MED13L: variants seen among roughly 807,000 people sequenced by gnomAD.
MED13L encodes mediator of RNA polymerase II transcription subunit 13-like.
Under a neutral mutation model 220.9 loss-of-function variants are expected in MED13L, and 7 were observed. The ratio of observed to expected loss-of-function variants is 0.03; its 90% CI spans 0.02 to 0.06. The LOEUF is 0.06. Among genes scored for constraint, MED13L ranks in the 10% least tolerant of loss-of-function variants. The pLI is 1.00. For synonymous variants in MED13L, 1,011 were observed against 1,015.2 expected (o/e 1.00, Z 0.08); for missense variants, 1,965 against 2,760.5 (o/e 0.71, Z 6.46).
intron 1 of MED13L, among the ~76,000 whole-genome samples, chr12:116,275,773 A>G (rs1873767505): frequency 6.6e-6 from 1 of 152,224 alleles, no homozygotes; most frequent in Non-Finnish European, 1.5e-5. Flanking sequence ...CACAACTTAA[A>G]ACAAGTTGGG....
intron 2 of MED13L, among the ~76,000 whole-genome samples, chr12:116,137,919 C>T (rs369796402): frequency 2.9e-5 from 4 of 137,180 alleles, no homozygotes; most frequent in Non-Finnish European, 4.5e-5. Context: ...TGCAATGGTG[C>T]GATCTCAGCT....
chr12:116,219,144 T>A (rs1016393631), intron 2 of MED13L, among the ~76,000 whole-genome samples: 1 of 152,202 alleles, frequency 6.6e-6, no homozygotes. Context: ...AGAATGTCAA[T>A]AATAAAGAGA....
intron 4 of MED13L, among the ~76,000 whole-genome samples, chr12:116,038,502 C>T (rs1001734799): frequency 1.3e-5 from 2 of 152,026 alleles, no homozygotes; most frequent in African/African-American, 2.4e-5. Flanking sequence ...TTTACAAAAA[C>T]ATCCAACCAT....
intron 2 of MED13L, among the ~76,000 whole-genome samples, chr12:116,224,730 T>G (rs1434230506): frequency 4.6e-5 from 7 of 152,176 alleles, no homozygotes; most frequent in Admixed American, 4.6e-4. Context: ...CAGGCTGGAG[T>G]GCAGTGGCAC....
intron 2 of MED13L, chr12:116,174,617 G>C (rs1175146091): frequency 1.3e-5 from 2 of 152,048 alleles, no homozygotes; most frequent in South Asian, 4.1e-4. Context: ...TCCAGATTTT[G>C]GTTAAAATAT....
At chr12:116,110,748 T>C (rs1200285751) in intron 3 of MED13L, among the ~76,000 whole-genome samples, 1 of 152,190 alleles carries the variant, frequency 6.6e-6, no homozygotes, top group Non-Finnish European at 1.5e-5. Context: ...ACTGACGATA[T>C]GAGCCTACTG....
At chr12:115,964,586 A>AT (rs980276375) in intron 29 of MED13L, among the ~76,000 whole-genome samples, 8 of 151,842 alleles carry the variant, frequency 5.3e-5, no homozygotes, top group African/African-American at 1.2e-4. Context: ...ATGATGACTG[A>AT]TTTTTTGTTT....
chr12:116,225,541 A>T (rs889404510), intron 2 of MED13L, among the ~76,000 whole-genome samples: 3 of 152,254 alleles, frequency 2.0e-5, no homozygotes, highest in African/African-American at 7.2e-5. Flanking sequence ...AAGGCAAGCA[A>T]CCTTTTCGTT....
chr12:116,277,022 C>CCA, intron 1 of MED13L, 38 bp downstream of exon 1: 4 of 1,006,442 alleles, frequency 4.0e-6, no homozygotes, highest in Non-Finnish European at 6.0e-6. Flanking sequence ...CCCCCCCCTT[C>CCA]CCCGGCACAG....
At chr12:115,989,174 CTG>C (rs1464065447) in intron 17 of MED13L, among the ~76,000 whole-genome samples, 1 of 152,196 alleles carries the variant, frequency 6.6e-6, no homozygotes, top group African/African-American at 2.4e-5. Context: ...CCCTGCAAGA[CTG>C]AGAGTTGTTC....
rs552613590 is a variant in MED13L at position 116,240,521 on chromosome 12, C to T, written c.73-2816G>A. Reference sequence around the variant, plus strand: ...AGAAGTTGAAATCCAAAAAGGTAAGCAGAAGATTTATTTTATTTTTTTTTT... The same window carrying T: ...AGAAGTTGAAATCCAAAAAGGTAAGTAGAAGATTTATTTTATTTTTTTTTT... On this transcript the variant is annotated intron_variant, in intron 1 of 30. Transcript: ENST00000281928. 3.3e-5 allele frequency among the ~76,000 whole-genome samples: 5 copies of T among 151,110 alleles called. No individual in the cohort carries two copies. In the South Asian group the frequency reaches 8.4e-4, roughly 25 times the overall value.
intron 2 of MED13L, among the ~76,000 whole-genome samples, chr12:116,233,062 G>GGGC: frequency 6.7e-6 from 1 of 149,504 alleles, no homozygotes. Context: ...ACTCCAGCCT[G>GGGC]GGCAACAGAG....
chr12:116,091,120 CAAA>C (rs5801163), intron 4 of MED13L, among the ~76,000 whole-genome samples: 884 of 87,428 alleles, frequency 0.01, 7 homozygotes, highest in African/African-American at 0.035. Flanking sequence ...AACTCTGTCT[CAAA>C]AAAAAAAAAA....
chr12:116,165,504 G>T (rs1185274331), intron 2 of MED13L, among the ~76,000 whole-genome samples: 1 of 151,572 alleles, frequency 6.6e-6, no homozygotes, highest in African/African-American at 2.4e-5. Context: ...CTAACTTTTT[G>T]TATTTTTAGT....
At chr12:116,260,955 T>C (rs1158272874) in intron 1 of MED13L, among the ~76,000 whole-genome samples, 1 of 152,214 alleles carries the variant, frequency 6.6e-6, no homozygotes, top group East Asian at 1.9e-4. Flanking sequence ...AGCCAACTGC[T>C]GTTAGGTTAC....
intron 2 of MED13L, among the ~76,000 whole-genome samples, chr12:116,122,718 C>G (rs1875204636): frequency 6.6e-6 from 1 of 152,100 alleles, no homozygotes; most frequent in African/African-American, 2.4e-5. Flanking sequence ...TACTATCTTC[C>G]TAAGGAATCA....
chr12:116,109,521 A>G (rs540655333), intron 3 of MED13L, among the ~76,000 whole-genome samples: 13 of 152,138 alleles, frequency 8.5e-5, no homozygotes, highest in Admixed American at 3.3e-4. Flanking sequence ...ATAAATCATG[A>G]TATTAAAAAA....
intron 2 of MED13L, among the ~76,000 whole-genome samples, chr12:116,154,844 GAA>G (rs1468769635): frequency 6.6e-6 from 1 of 151,852 alleles, no homozygotes. Context: ...TTTTGTTTTT[GAA>G]AAAGAGTCTC....
intron 23 of MED13L, among the ~76,000 whole-genome samples, chr12:115,976,437 G>A (rs1195589074): frequency 6.6e-6 from 1 of 152,128 alleles, no homozygotes; most frequent in Non-Finnish European, 1.5e-5. Flanking sequence ...TTATATCAAG[G>A]TCAAAGACAG....
Sources: gnomAD v4.1 joint callset for allele counts (sites outside exome capture counted in the v4.1 genomes callset) on GRCh38, gnomAD v4.1.1 for gene constraint, MANE v1.5 for transcripts, NCBI Gene and HGNC (gene_info 2026-07-23, HGNC 2026-07-21) for gene names.